RBFOX1: variants seen among roughly 807,000 people sequenced by gnomAD.
RBFOX1 encodes RNA binding fox-1 homolog 1.
In RBFOX1, 8 loss-of-function variants were observed where a neutral mutation model predicts 57.7. That is an observed-to-expected ratio of 0.14 (90% CI 0.08 to 0.25). The LOEUF (loss-of-function observed/expected upper bound fraction) is 0.25, where lower values mean the gene tolerates loss of function less well. Among genes scored for constraint, RBFOX1 ranks in the 10% least tolerant of loss-of-function variants. The pLI, the probability that RBFOX1 is intolerant of heterozygous loss-of-function variation, is 1.00. For missense variants in RBFOX1, 611 were observed against 548.5 expected (o/e 1.11, Z -1.14); for synonymous variants, 326 against 222.4 (o/e 1.47, Z -4.15).
intron 2 of RBFOX1, among the ~76,000 whole-genome samples, chr16:6,379,111 T>TG (rs1056383652): frequency 6.6e-6 from 1 of 151,980 alleles, no homozygotes; most frequent in Admixed American, 6.6e-5. Flanking sequence ...TTTGAGTGGA[T>TG]GGGGGTGACT....
At chr16:7,433,698 C>G (rs1186959582) in intron 4 of RBFOX1, among the ~76,000 whole-genome samples, 1 of 152,208 alleles carries the variant, frequency 6.6e-6, no homozygotes, top group African/African-American at 2.4e-5. Context: ...CTTCTACCAT[C>G]CTTCTGTCCA....
intron 2 of RBFOX1, among the ~76,000 whole-genome samples, chr16:5,537,261 T>C (rs1175743031): frequency 1.3e-5 from 2 of 152,224 alleles, no homozygotes; most frequent in Non-Finnish European, 2.9e-5. Context: ...TTCTCAGAAT[T>C]CTTTTAGTTT....
chr16:7,234,761 T>C (rs1313172287), intron 4 of RBFOX1, among the ~76,000 whole-genome samples: 6 of 151,560 alleles, frequency 4.0e-5, no homozygotes, highest in South Asian at 2.1e-4. Flanking sequence ...AACGGAGAAG[T>C]CAGAAATGGG....
intron 1 of RBFOX1, among the ~76,000 whole-genome samples, chr16:5,272,516 T>C (rs186837114): frequency 1.8e-4 from 28 of 152,304 alleles, no homozygotes; most frequent in Admixed American, 9.2e-4. Context: ...GGATTCAATA[T>C]CTCAGAATCG....
intron 1 of RBFOX1, among the ~76,000 whole-genome samples, chr16:5,346,961 T>G (rs1231895226): frequency 6.6e-6 from 1 of 152,178 alleles, no homozygotes; most frequent in Non-Finnish European, 1.5e-5. Flanking sequence ...CACTGATATC[T>G]GGCTTTTGCA....
intron 3 of RBFOX1, among the ~76,000 whole-genome samples, chr16:6,797,000 G>A (rs149857142): frequency 7.2e-5 from 11 of 152,220 alleles, no homozygotes; most frequent in African/African-American, 2.6e-4. Context: ...AAGATGCCAC[G>A]GGCAGTCTAA....
At chr16:5,243,517 C>G (rs370629479) in intron 1 of RBFOX1, among the ~76,000 whole-genome samples, 1 of 152,118 alleles carries the variant, frequency 6.6e-6, no homozygotes, top group African/African-American at 2.4e-5. Context: ...GGGGCCGTCC[C>G]GTGTATTGTA....
At chr16:7,098,443 T>A (rs1363115573) in intron 4 of RBFOX1, among the ~76,000 whole-genome samples, 2 of 152,238 alleles carry the variant, frequency 1.3e-5, no homozygotes, top group Non-Finnish European at 2.9e-5. Context: ...GTGCTGAGAT[T>A]ACAGGCATGA....
At chr16:6,913,389 T>C (rs894790701) in intron 3 of RBFOX1, among the ~76,000 whole-genome samples, 6 of 152,064 alleles carry the variant, frequency 3.9e-5, no homozygotes, top group Non-Finnish European at 5.9e-5. Flanking sequence ...GAGCAGCTGC[T>C]GTCTCTTCCG....
chr16:5,999,239 C>G (rs74006544), intron 4 of RBFOX1, among the ~76,000 whole-genome samples: 109 of 152,312 alleles, frequency 7.2e-4, no homozygotes, highest in African/African-American at 2.5e-3. Context: ...CACCTTATCT[C>G]TACCACAGGG....
chr16:6,225,384 C>A (rs2097408788), intron 1 of RBFOX1, among the ~76,000 whole-genome samples: 1 of 152,232 alleles, frequency 6.6e-6, no homozygotes, highest in African/African-American at 2.4e-5. Context: ...ACAGAGAGAA[C>A]TTGGTTATGA....
intron 4 of RBFOX1, among the ~76,000 whole-genome samples, chr16:7,428,198 G>T (rs956608381): frequency 6.6e-6 from 1 of 151,966 alleles, no homozygotes; most frequent in African/African-American, 2.4e-5. Flanking sequence ...CTGAAGTCAG[G>T]AATCCCTTTT....
chr16:5,702,972 A>G, intron 3 of RBFOX1, among the ~76,000 whole-genome samples: 1 of 152,218 alleles, frequency 6.6e-6, no homozygotes, highest in African/African-American at 2.4e-5. Context: ...TGTGACAAAC[A>G]TCATGTACAT....
intron 4 of RBFOX1, among the ~76,000 whole-genome samples, chr16:7,083,354 C>T (rs1406012048): frequency 1.3e-5 from 2 of 151,876 alleles, no homozygotes; most frequent in African/African-American, 2.4e-5. Flanking sequence ...GCAGAGGGAC[C>T]ACATGTTCAA....
At chr16:5,862,189 G>T (rs143455037) in intron 3 of RBFOX1, among the ~76,000 whole-genome samples, 33 of 152,354 alleles carry the variant, frequency 2.2e-4, no homozygotes, top group African/African-American at 7.5e-4. Flanking sequence ...GGGGATCTAA[G>T]ATTTTCATGT....
intron 3 of RBFOX1, among the ~76,000 whole-genome samples, chr16:5,649,789 G>A (rs571490962): frequency 6.6e-6 from 1 of 152,220 alleles, no homozygotes; most frequent in South Asian, 2.1e-4. Flanking sequence ...ACAACTGCTT[G>A]TGTTGACAAC....
chr16:5,779,587 T>C (rs926480797), intron 3 of RBFOX1, among the ~76,000 whole-genome samples: 1 of 152,070 alleles, frequency 6.6e-6, no homozygotes, highest in African/African-American at 2.4e-5. Context: ...ATTTGGAGAG[T>C]TGTTCTTGTG....
At chr16:6,697,590 C>G (rs533363396) in intron 3 of RBFOX1, among the ~76,000 whole-genome samples, 1 of 152,200 alleles carries the variant, frequency 6.6e-6, no homozygotes, top group Non-Finnish European at 1.5e-5. Context: ...TATCCTGGAA[C>G]TGGTTTCTGT....
At chr16:7,148,455 T>G (rs1727031783) in intron 4 of RBFOX1, among the ~76,000 whole-genome samples, 1 of 152,244 alleles carries the variant, frequency 6.6e-6, no homozygotes, top group African/African-American at 2.4e-5. Flanking sequence ...AAACCTCTTT[T>G]GCTGTTTACA....
Sources: gnomAD v4.1 joint callset for allele counts (sites outside exome capture counted in the v4.1 genomes callset) on GRCh38, gnomAD v4.1.1 for gene constraint, MANE v1.5 for transcripts, NCBI Gene and HGNC (gene_info 2026-07-23, HGNC 2026-07-21) for gene names.